BRAT1: variants seen among roughly 807,000 people sequenced by gnomAD.
BRAT1 encodes the protein integrator complex assembly factor BRAT1.
BRAT1 carries 74 observed loss-of-function variants against 70.6 expected under a neutral mutation model. That is an observed-to-expected ratio of 1.05 (90% CI 0.87 to 1.27). The LOEUF (loss-of-function observed/expected upper bound fraction) is 1.27, where lower values mean the gene tolerates loss of function less well. Ranked by LOEUF, BRAT1 falls within the 50% of genes most tolerant of loss-of-function variation. The pLI, the probability that BRAT1 is intolerant of heterozygous loss-of-function variation, is 0.00. For missense variants in BRAT1, 1,203 were observed against 1,098.2 expected (o/e 1.10, Z -1.35); for synonymous variants, 615 against 517.1 (o/e 1.19, Z -2.57).
At chr7:2,552,948 G>C (rs1180132901) in intron 2 of BRAT1, among the ~76,000 whole-genome samples, 1 of 150,120 alleles carries the variant, frequency 6.7e-6, no homozygotes, top group East Asian at 2.0e-4. Flanking sequence ...GTTTCACCAT[G>C]TTAGCCAGGA....
intron 2 of BRAT1, among the ~76,000 whole-genome samples, chr7:2,549,345 C>A (rs755055485): frequency 1.3e-5 from 2 of 152,002 alleles, no homozygotes; most frequent in African/African-American, 4.8e-5. Flanking sequence ...GGCATGGTGG[C>A]GCGCATCTAT....
chr7:2,538,238 TC>T lies in BRAT1; in HGVS notation c.2296del (p.Asp766ThrfsTer14). ...RAGEQAQPPG[D>X]QEPEAVLAML... ...GGCCAGCACAGCCTCAGGCTCCTGG[TC>T]CCCTGGGGGCTGGGCCTGCTCACCC... is the stretch of plus-strand genomic sequence containing the variant. On this transcript the variant is annotated frameshift_variant, in exon 14 of 14. Coordinates refer to ENST00000340611, the MANE Select transcript of BRAT1 (RefSeq NM_152743.4). LOFTEE classifies it high-confidence loss of function. The T allele has an allele frequency of 6.2e-7, 1 of 1,609,644 alleles. No individual in the cohort carries two copies.
intron 6 of BRAT1, chr7:2,542,914 G>T: frequency 4.5e-6 from 1 of 221,046 alleles, no homozygotes; most frequent in Non-Finnish European, 8.9e-6. Context: ...TGGGAGGGCA[G>T]CGGAGCGCAG....
intron 2 of BRAT1, among the ~76,000 whole-genome samples, chr7:2,551,477 G>C (rs1256439541): frequency 2.0e-5 from 3 of 151,684 alleles, no homozygotes; most frequent in Middle Eastern, 3.4e-3. Context: ...GACTGCTTGA[G>C]CCCAGGAGTT....
chr7:2,547,377 G>A lies in BRAT1; in HGVS notation c.229C>T (p.Leu77=). Reference sequence around the variant, plus strand: ...GCTGCGAAGGTTCCTGCCAGGCGCAGTGAGAAGGAGAGGACCCCAGAACTC... The same window carrying A: ...GCTGCGAAGGTTCCTGCCAGGCGCAATGAGAAGGAGAGGACCCCAGAACTC... ...DLSSGVLSFS[L]RLAGTFAAQE... Residue 77 remains leucine, a synonymous_variant, in exon 3 of 14, where the codon CTG becomes TTG. Coordinates refer to ENST00000340611, the MANE Select transcript of BRAT1 (RefSeq NM_152743.4). 6.2e-7 allele frequency: 1 copy of A among 1,614,192 alleles called. No homozygotes were observed. Among genetic ancestry groups the A allele is most frequent in the Non-Finnish European group, 8.5e-7 (1 of 1,180,042 alleles).
At position 2,545,076 on chromosome 7, in the gene BRAT1, G is replaced by A. The variant is rs2128399853; in HGVS notation, c.283-20C>T. ...CCCCTGCTGGGAAGCAAAAAAAGAA[G>A]TGAGGGTGGCCAGGCGCAGTGGCTG... On this transcript the variant is annotated intron_variant, in intron 3 of 13. Transcript: ENST00000340611. 2.0e-6 allele frequency: 3 copies of A among 1,473,698 alleles called. No individual in the cohort carries two copies. The highest frequency in any genetic ancestry group is 3.6e-4 in the Middle Eastern group (2 of 5,510). 91.3% of individuals were successfully genotyped at this position (1,473,698 alleles called of 1,614,324 possible).
chr7:2,551,802 T>C (rs979752023), intron 2 of BRAT1, among the ~76,000 whole-genome samples: 32 of 151,550 alleles, frequency 2.1e-4, no homozygotes, highest in African/African-American at 7.8e-4. Context: ...AAAACTCGCC[T>C]GGGTCCTATG....
chr7:2,550,279 C>A (rs1309584880), intron 2 of BRAT1, among the ~76,000 whole-genome samples: 1 of 151,516 alleles, frequency 6.6e-6, no homozygotes, highest in Non-Finnish European at 1.5e-5. Flanking sequence ...CCAGCCTGGG[C>A]TACATAGTGA....
chr7:2,543,567 C>T lies in BRAT1; in HGVS notation c.803+23G>A. On this transcript the variant is annotated intron_variant, in intron 5 of 13. Coordinates refer to ENST00000340611, the MANE Select transcript of BRAT1 (RefSeq NM_152743.4). This position sits in a 1 kb window ranked among gnomAD's most constrained non-coding sequence, Gnocchi z 5.5. ...AAAACAGTTGCCCACCCAGGCCCCC[C>T]AGCTGCGTCCCGGGGCCCTGACCGA... 6 of 1,504,720 alleles carry T rather than the reference C, an allele frequency of 4.0e-6. No individual in the cohort carries two copies. The highest frequency in any genetic ancestry group is 1.8e-4 in the Middle Eastern group (1 of 5,550). The allele number at this position is 1,504,720 out of a possible 1,614,324, so 93.2% of individuals were successfully genotyped here. A position where few individuals can be genotyped will look rare whatever the true frequency, so the allele number is the denominator to read the frequency against.
intron 3 of BRAT1, among the ~76,000 whole-genome samples, chr7:2,546,516 T>C (rs1779619420): frequency 6.6e-6 from 1 of 152,094 alleles, no homozygotes; most frequent in Admixed American, 6.6e-5. Flanking sequence ...GACGGATCAC[T>C]TGAGGTCAAG....
intron 2 of BRAT1, among the ~76,000 whole-genome samples, chr7:2,551,008 G>C (rs1779963894): frequency 6.6e-6 from 1 of 152,106 alleles, no homozygotes; most frequent in Non-Finnish European, 1.5e-5. Context: ...GGGAGGCCAA[G>C]GTGGAGGGAT....
In BRAT1 at chr7:2,538,645, G is replaced by C; in HGVS notation, c.1890C>G (p.Asp630Glu). The C allele has an allele frequency of 6.3e-7, 1 of 1,598,444 alleles. No homozygotes were observed. The highest frequency in any genetic ancestry group is 8.5e-7 in the Non-Finnish European group (1 of 1,179,604). ...GCACAGTGGCCACGAACTGCTCCGT[G>C]TCCTGGGCCGCGTCGGCGTGGCCGT... ...LRDGHADAAQDTEQFVATVLQ... is the reference protein window; with the variant it reads ...LRDGHADAAQETEQFVATVLQ... Residue 630 changes from aspartate to glutamate, a missense_variant, in exon 14 of 14, where the codon GAC (aspartate) becomes GAG (glutamate). By Grantham distance (45) the Asp-to-Glu change is conservative. Transcript: ENST00000340611.
intron 9 of BRAT1, 116 bp from the exon 10 acceptor site, chr7:2,541,168 C>A: frequency 1.0e-6 from 1 of 973,634 alleles, no homozygotes; most frequent in Non-Finnish European, 1.5e-6. Flanking sequence ...CCTGCACGGC[C>A]CCTGCACCCC....
intron 2 of BRAT1, among the ~76,000 whole-genome samples, chr7:2,553,365 T>C (rs971980355): frequency 2.6e-5 from 4 of 152,144 alleles, no homozygotes; most frequent in Admixed American, 6.6e-5. Context: ...AAATGAGAAA[T>C]ATAAACATCT....
Position 2,538,410 on chromosome 7 carries a change from A to G in BRAT1, c.2125T>C (p.Phe709Leu), listed in dbSNP as rs748200542. The change falls in exon 14 of 14, where the codon TTT becomes CTT. Residue 709 changes from phenylalanine (F) to leucine (L), a missense_variant. Phe to Leu is a conservative substitution (Grantham distance 22). Coordinates refer to ENST00000340611, the MANE Select transcript of BRAT1 (RefSeq NM_152743.4). ...TGCGCCACAGGGCGGTCGCAGTCAA[A>G]CAAGGCACAAAAGGCGAAGTCAAAG... is the stretch of plus-strand genomic sequence containing the variant. ...GLFDFAFCAL[F>L]DCDRPVAQKS... is the part of the protein sequence containing the mutation. 3 of 1,613,278 alleles carry G rather than the reference A, an allele frequency of 1.9e-6. No individual in the cohort carries two copies. The African/African-American group carries it at 4.0e-5, about 22-fold the overall frequency.
chr7:2,544,272 A>G lies in BRAT1; in HGVS notation c.431-310T>C, dbSNP rs866990541. 4.4e-5 allele frequency: 10 copies of G among 224,900 alleles called. No homozygotes were observed. In the South Asian group the frequency reaches 9.4e-4, roughly 21 times the overall value. The allele number at this position is 224,900 out of a possible 1,614,324, so 13.9% of individuals were successfully genotyped here. ...GGGTGGAGTACAATGGTGCGATCTC[A>G]GTTCACTGCAACTTCCACCTCCCAG... On this transcript the variant is annotated intron_variant, in intron 4 of 13. Coordinates refer to ENST00000340611, the MANE Select transcript of BRAT1 (RefSeq NM_152743.4).
chr7:2,552,819 A>G lies in BRAT1; in HGVS notation c.127+1486T>C, dbSNP rs531096924. ...AGTGGCGTGATCTCGGCTCACTGCA[A>G]GCTCTGCCTCCTGTGTTCACGCCAT... On this transcript the variant is annotated intron_variant, in intron 2 of 13. Coordinates refer to ENST00000340611, the MANE Select transcript of BRAT1 (RefSeq NM_152743.4). 1.1e-4 allele frequency among the ~76,000 whole-genome samples: 16 copies of G among 151,832 alleles called. No homozygotes were observed. In the East Asian group the frequency reaches 2.3e-3, roughly 22 times the overall value.
rs533902141 is a variant in BRAT1, at chr7:2,555,491, C to T, written c.-21G>A. 1.3e-5 allele frequency: 2 copies of T among 152,354 alleles called. No homozygotes were observed. The highest frequency in any genetic ancestry group is 2.1e-4 in the South Asian group (1 of 4,832). The allele number at this position is 152,354 out of a possible 1,614,324, so 9.4% of individuals were successfully genotyped here. Reference sequence around the variant, plus strand: ...CCGAAGGCCCACGCGCCTCACCGCTCGGTTGCGTCCTCCGCCGCAACCACC... The same window carrying T: ...CCGAAGGCCCACGCGCCTCACCGCTTGGTTGCGTCCTCCGCCGCAACCACC... On this transcript the variant is annotated 5_prime_UTR_variant, in exon 1 of 14. Coordinates refer to ENST00000340611, the MANE Select transcript of BRAT1 (RefSeq NM_152743.4).
intron 6 of BRAT1, 28 bp from the exon 7 acceptor site, chr7:2,542,239 C>T (rs1189603836): frequency 9.8e-6 from 15 of 1,530,966 alleles, no homozygotes; most frequent in African/African-American, 2.7e-5. Flanking sequence ...GTGAGTGCCG[C>T]GACCCTGGCT....
Sources: gnomAD v4.1 joint callset for allele counts (sites outside exome capture counted in the v4.1 genomes callset) on GRCh38, gnomAD v4.1.1 for gene constraint, Gnocchi (gnomAD v3.1) non-coding constraint, MANE v1.5 for transcripts, NCBI Gene and HGNC (gene_info 2026-07-23, HGNC 2026-07-21) for gene names.